The following ELOVL6 variants were observed in gnomAD, a reference collection of about 807,000 sequenced individuals.
ELOVL6 encodes the protein ELOVL fatty acid elongase 6.
Under a neutral mutation model 31.7 loss-of-function variants are expected in ELOVL6, and 8 were observed. The ratio of observed to expected loss-of-function variants is 0.25; its 90% confidence interval spans 0.15 to 0.45. The LOEUF (loss-of-function observed/expected upper bound fraction) is 0.45. ELOVL6 is among the 20% of genes least tolerant of loss of function. ELOVL6 has a pLI of 1.00. For synonymous variants in ELOVL6, 101 were observed against 117.7 expected (o/e 0.86, Z 0.92); for missense variants, 126 against 326.4 (o/e 0.39, Z 4.73).
At chr4:110,122,583 G>GC (rs1447057845) in intron 1 of ELOVL6, among the ~76,000 whole-genome samples, 2 of 152,068 alleles carry the variant, frequency 1.3e-5, no homozygotes, top group Non-Finnish European at 2.9e-5. Flanking sequence ...TCACCATGTT[G>GC]CCCAGCCTGG....
intron 3 of ELOVL6, among the ~76,000 whole-genome samples, chr4:110,055,504 G>C (rs912398552): frequency 6.6e-6 from 1 of 152,152 alleles, no homozygotes; most frequent in African/African-American, 2.4e-5. Context: ...TCATTCAAGA[G>C]ACAGCTTTCA....
chr4:110,084,555 C>CAG (rs1560815738), intron 2 of ELOVL6, among the ~76,000 whole-genome samples: 1 of 58,328 alleles, frequency 1.7e-5, no homozygotes, highest in African/African-American at 1.0e-4. Flanking sequence ...CACACACACA[C>CAG]ACACACAGAT....
At chr4:110,169,545 C>A (rs1051163306) in intron 1 of ELOVL6, among the ~76,000 whole-genome samples, 1 of 151,574 alleles carries the variant, frequency 6.6e-6, no homozygotes, top group Middle Eastern at 3.2e-3. Flanking sequence ...GCCTGGCCAG[C>A]CCAATAGAAG....
rs1321224817 is a variant in ELOVL6 at position 110,117,926 on chromosome 4, C to CTATATCTATCTA, written c.90-12299_90-12298insTAGATAGATATA. ...AAAATATATATATATATATATATAT[C>CTATATCTATCTA]TCCCCAGAGAGGAGAAAAAGGAATA... On this transcript the variant is annotated intron_variant, in intron 1 of 3. Transcript: ENST00000302274. 3 of 15,116 alleles carry CTATATCTATCTA rather than the reference C, an allele frequency of 2.0e-4. 1 individual carries two copies. The highest frequency in any genetic ancestry group is 7.4e-3 in the South Asian group (2 of 272). 0.9% of individuals were successfully genotyped at this position (15,116 alleles called of 1,614,324 possible). A position where few individuals can be genotyped will look rare whatever the true frequency, so the allele number is the denominator to read the frequency against.
rs1395093073 is a variant in ELOVL6, at chr4:110,084,043, C to CAT, written c.221+21453_221+21454insAT. 4.7e-3 allele frequency among the ~76,000 whole-genome samples: 120 copies of CAT among 25,566 alleles called. 14 individuals carry two copies. The highest frequency in any genetic ancestry group is 0.01 in the African/African-American group (93 of 8,980). The allele number at this position is 25,566 out of a possible 152,430, so 16.8% of individuals were successfully genotyped here. On this transcript the variant is annotated intron_variant, in intron 2 of 3. Transcript: ENST00000302274. ...AACATATGCCATATATGGTATATAA[C>CAT]ACATGCTATATATGATATATAACAT...
chr4:110,195,698 A>G (rs1759752916), intron 1 of ELOVL6, among the ~76,000 whole-genome samples: 1 of 152,218 alleles, frequency 6.6e-6, no homozygotes, highest in East Asian at 1.9e-4. Context: ...TGACTCTGCC[A>G]CGGTATGCAA....
In ELOVL6 at chr4:110,196,645, C is replaced by T. The variant is rs1759800351; in HGVS notation, c.89+1602G>A. Among the ~76,000 whole-genome samples the T allele has an allele frequency of 2.6e-5, 4 of 152,154 alleles. No homozygotes were observed. The South Asian group carries it at 8.3e-4, about 31-fold the overall frequency. On this transcript the variant is annotated intron_variant, in intron 1 of 3. Transcript: ENST00000302274. ...CAGCCCTGTGCCTGTGTGGCTGCTG[C>T]ACTTCCAGTCCTTCCGAGCGGCCCG...
At chr4:110,071,827 C>T (rs1041953825) in intron 2 of ELOVL6, among the ~76,000 whole-genome samples, 2 of 152,192 alleles carry the variant, frequency 1.3e-5, no homozygotes, top group Non-Finnish European at 2.9e-5. Flanking sequence ...TAAATCACAT[C>T]TTTCGTTGAT....
rs541897423 is a variant in ELOVL6, at chr4:110,182,832, C to T, written c.89+15415G>A. Among the ~76,000 whole-genome samples the T allele has an allele frequency of 6.8e-4, 103 of 152,102 alleles. 1 individual carries two copies. The highest frequency in any genetic ancestry group is 3.4e-3 in the Middle Eastern group (1 of 294). ...CTGAGGCAGGAGAATCACTTGAACC[C>T]GGGAGGCGGAGGTTGCGGTGAGCCA... On this transcript the variant is annotated intron_variant, in intron 1 of 3. Transcript: ENST00000302274.
At chr4:110,176,928 T>C (rs1221435092) in intron 1 of ELOVL6, among the ~76,000 whole-genome samples, 1 of 152,052 alleles carries the variant, frequency 6.6e-6, no homozygotes, top group Non-Finnish European at 1.5e-5. Context: ...AGAGACAGGG[T>C]TTCTCCATGT....
At chr4:110,121,542 C>A (rs1162853807) in intron 1 of ELOVL6, among the ~76,000 whole-genome samples, 2 of 151,990 alleles carry the variant, frequency 1.3e-5, no homozygotes, top group African/African-American at 4.8e-5. Flanking sequence ...ACTAAAAATA[C>A]AAAAAAATTA....
chr4:110,100,526 C>T (rs987602123), intron 2 of ELOVL6, among the ~76,000 whole-genome samples: 1 of 151,894 alleles, frequency 6.6e-6, no homozygotes, highest in Non-Finnish European at 1.5e-5. Context: ...TGATTTAATT[C>T]CCATAATGTT....
chr4:110,083,614 A>G (rs1284680308), intron 2 of ELOVL6, among the ~76,000 whole-genome samples: 1 of 151,676 alleles, frequency 6.6e-6, no homozygotes, highest in South Asian at 2.1e-4. Flanking sequence ...TTAAGCAGGT[A>G]ATGACATGAT....
In ELOVL6 at chr4:110,197,987, A is replaced by G. The variant is rs1759864194; in HGVS notation, c.89+260T>C. 1.1e-5 allele frequency: 6 copies of G among 564,768 alleles called. 1 individual carries two copies. In the South Asian group the frequency reaches 1.2e-4, roughly 11 times the overall value. The allele number at this position is 564,768 out of a possible 1,614,324, so 35.0% of individuals were successfully genotyped here. On this transcript the variant is annotated intron_variant, in intron 1 of 3. Transcript: ENST00000302274. ...CGCAGACATCACCCTGTGCACACAC[A>G]TATGTTCTGTGTTATATAATCTATA...
At chr4:110,084,093 C>CATATATGTG (rs1756031353) in intron 2 of ELOVL6, among the ~76,000 whole-genome samples, 1 of 75,882 alleles carries the variant, frequency 1.3e-5, no homozygotes, top group Non-Finnish European at 2.5e-5. Flanking sequence ...TGATATATAA[C>CATATATGTG]ATATATATGA....
intron 1 of ELOVL6, among the ~76,000 whole-genome samples, chr4:110,191,641 T>C (rs1759624599): frequency 6.6e-6 from 1 of 152,126 alleles, no homozygotes; most frequent in Admixed American, 6.6e-5. Flanking sequence ...CCAAGATAAA[T>C]TCCTGAATTG....
intron 1 of ELOVL6, among the ~76,000 whole-genome samples, chr4:110,191,496 G>A (rs1332912299): frequency 6.6e-6 from 1 of 152,164 alleles, no homozygotes; most frequent in East Asian, 1.9e-4. Flanking sequence ...ATGATGTCTG[G>A]TTCCTATTAA....
intron 1 of ELOVL6, among the ~76,000 whole-genome samples, chr4:110,153,959 C>T (rs533462920): frequency 3.0e-4 from 45 of 152,260 alleles, no homozygotes; most frequent in Non-Finnish European, 5.1e-4. Flanking sequence ...TTTTTTTCTC[C>T]CCAATTTTAT....
At chr4:110,076,770 G>C (rs1755644568) in intron 2 of ELOVL6, among the ~76,000 whole-genome samples, 2 of 152,202 alleles carry the variant, frequency 1.3e-5, no homozygotes, top group South Asian at 4.1e-4. Context: ...CCGAGTGTGA[G>C]CCGAAGCAGG....
Sources: gnomAD v4.1 joint callset for allele counts (sites outside exome capture counted in the v4.1 genomes callset) on GRCh38, gnomAD v4.1.1 for gene constraint, MANE v1.5 for transcripts, NCBI Gene and HGNC (gene_info 2026-07-23, HGNC 2026-07-21) for gene names.